Variants in DCPH1 observed in about 807,000 individuals in gnomAD.
DCPH1 encodes the protein damage-control phosphatase 1.
chr6:151,458,601 G>A, the DCPH1 span: 32 of 1,527,770 alleles, frequency 2.1e-5, no homozygotes, highest in Non-Finnish European at 2.7e-5. Flanking sequence ...ACTATCAAAT[G>A]TTTAGATAAT....
chr6:151,465,733 G>C, the DCPH1 span, among the ~76,000 whole-genome samples: 7 of 152,234 alleles, frequency 4.6e-5, no homozygotes, highest in Non-Finnish European at 8.8e-5. Context: ...GACTTGGGGA[G>C]GGAGGTTGGG....
At chr6:151,462,790 T>TA in the DCPH1 span, among the ~76,000 whole-genome samples, 1 of 152,214 alleles carries the variant, frequency 6.6e-6, no homozygotes, top group Non-Finnish European at 1.5e-5. Flanking sequence ...TATATATAGT[T>TA]ATGTGAGTTT....
At chr6:151,466,690 T>C in the DCPH1 span, among the ~76,000 whole-genome samples, 1 of 152,214 alleles carries the variant, frequency 6.6e-6, no homozygotes, top group African/African-American at 2.4e-5. Flanking sequence ...AAGAACAGGC[T>C]GATCCTCCCT....
chr6:151,469,083 A>T, the DCPH1 span: 1 of 1,613,066 alleles, frequency 6.2e-7, no homozygotes, highest in Non-Finnish European at 8.5e-7. Flanking sequence ...GAAAATATGG[A>T]ATATTTCAGT....
At chr6:151,459,776 C>T in the DCPH1 span, among the ~76,000 whole-genome samples, 3 of 151,840 alleles carry the variant, frequency 2.0e-5, no homozygotes, top group Admixed American at 6.6e-5. Flanking sequence ...GGCGACAGAG[C>T]GAGACTGTTT....
At chr6:151,461,659 G>A in the DCPH1 span, among the ~76,000 whole-genome samples, 8 of 152,082 alleles carry the variant, frequency 5.3e-5, no homozygotes, top group Non-Finnish European at 8.8e-5. Flanking sequence ...CGACAAGAGC[G>A]AAACTCCGTC....
At chr6:151,458,216 A>G in the DCPH1 span, 1 of 1,335,980 alleles carries the variant, frequency 7.5e-7, no homozygotes, top group Non-Finnish European at 1.0e-6. Flanking sequence ...AAGAAATAAA[A>G]TGTAGTTTTG....
the DCPH1 span, among the ~76,000 whole-genome samples, chr6:151,466,206 A>G: frequency 0.031 from 4,736 of 152,182 alleles, 249 homozygotes; most frequent in African/African-American, 0.11. Flanking sequence ...GGCATGAGCC[A>G]CCTTGCCTGG....
the DCPH1 span, chr6:151,452,562 C>T: frequency 1.9e-6 from 3 of 1,611,570 alleles, no homozygotes; most frequent in Non-Finnish European, 2.5e-6. Flanking sequence ...GTCGTCCCGG[C>T]GTCTCTCTCA....
the DCPH1 span, among the ~76,000 whole-genome samples, chr6:151,463,140 A>G: frequency 6.6e-6 from 1 of 152,202 alleles, no homozygotes; most frequent in Non-Finnish European, 1.5e-5. Flanking sequence ...CACTCTTAGC[A>G]TGTGAGTCAG....
chr6:151,454,124 C>A, the DCPH1 span, among the ~76,000 whole-genome samples: 82,326 of 151,954 alleles, frequency 0.54, 24,989 homozygotes, highest in African/African-American at 0.82. Flanking sequence ...CACATTAGAC[C>A]CTTTAGGTGG....
chr6:151,468,621 T>G, the DCPH1 span: 1 of 1,614,106 alleles, frequency 6.2e-7, no homozygotes, highest in South Asian at 1.1e-5. Context: ...CTGAGGTTCA[T>G]TTTTATGGAA....
the DCPH1 span, among the ~76,000 whole-genome samples, chr6:151,462,835 A>G: frequency 1.3e-5 from 2 of 152,314 alleles, no homozygotes; most frequent in African/African-American, 4.8e-5. Flanking sequence ...CTCATTCTTA[A>G]TATGAGATGT....
At chr6:151,457,178 T>C in the DCPH1 span, among the ~76,000 whole-genome samples, 1 of 152,170 alleles carries the variant, frequency 6.6e-6, no homozygotes, top group South Asian at 2.1e-4. Flanking sequence ...TTCCCCCACC[T>C]CAGCGGTCAA....
chr6:151,465,593 C>G, the DCPH1 span, among the ~76,000 whole-genome samples: 1 of 152,022 alleles, frequency 6.6e-6, no homozygotes. Context: ...TAAATTTTTA[C>G]TAAAAGTGAA....
At chr6:151,456,417 T>C in the DCPH1 span, among the ~76,000 whole-genome samples, 1 of 152,206 alleles carries the variant, frequency 6.6e-6, no homozygotes, top group African/African-American at 2.4e-5. Context: ...TATATTGTCT[T>C]GTTTAAAACT....
chr6:151,456,760 C>G, the DCPH1 span, among the ~76,000 whole-genome samples: 6 of 152,214 alleles, frequency 3.9e-5, no homozygotes, highest in Admixed American at 6.5e-5. Context: ...CAGCAATTCT[C>G]CCAGTTCAGC....
the DCPH1 span, chr6:151,468,830 C>T: frequency 6.2e-6 from 10 of 1,614,008 alleles, no homozygotes; most frequent in East Asian, 2.2e-4. Context: ...CCTCAGGTTG[C>T]ACCTGACTTA....
chr6:151,464,717 TTGA>T, the DCPH1 span: 1,929 of 774,326 alleles, frequency 2.5e-3, 9 homozygotes, highest in African/African-American at 0.012. Flanking sequence ...TTTGCTATAA[TTGA>T]TGATTTTTTA....
Sources: gnomAD v4.1 joint callset for allele counts (sites outside exome capture counted in the v4.1 genomes callset) on GRCh38, gnomAD v4.1.1 for gene constraint, MANE v1.5 for transcripts, NCBI Gene and HGNC (gene_info 2026-07-23, HGNC 2026-07-21) for gene names.